NSD2: variants seen among roughly 807,000 people sequenced by gnomAD.
The protein encoded by NSD2 is nuclear receptor binding SET domain protein 2.
NSD2 carries 12 observed loss-of-function variants against 139.0 expected under a neutral mutation model. The observed-to-expected ratio is 0.09, with a 90% CI of 0.06 to 0.14. NSD2 has a LOEUF of 0.14. Among genes scored for constraint, NSD2 ranks in the 10% least tolerant of loss-of-function variants. NSD2 has a pLI of 1.00. For missense variants in NSD2, 1,155 were observed against 1,745.0 expected, an observed-to-expected ratio of 0.66 and a Z score of 6.02; for synonymous variants, 669 against 648.7, an observed-to-expected ratio of 1.03 and a Z score of -0.48.
intron 1 of NSD2, chr4:1,893,935 T>C (rs919190252): frequency 6.6e-6 from 1 of 152,220 alleles, no homozygotes; most frequent in African/African-American, 2.4e-5. Context: ...CCCTTAATGC[T>C]TGCTTGATTG....
rs74665455 is a variant in NSD2 at position 1,900,882 on chromosome 4, C to T, written c.228C>T (p.Ala76=). 1,253 of 1,612,938 alleles carry T rather than the reference C, an allele frequency of 7.8e-4. 9 individuals are homozygous for T. In the African/African-American group the frequency reaches 0.014, roughly 18 times the overall value. The change falls in exon 2 of 22, where the codon GCC becomes GCT. Residue 76 remains alanine, a synonymous_variant. Transcript: ENST00000508803. Reference sequence around the variant, plus strand: ...ACGACGCCCTGCCCTTTATTCCAGCCGACAAGCTGAAAGATCTTACTTCCC... The same window carrying T: ...ACGACGCCCTGCCCTTTATTCCAGCTGACAAGCTGAAAGATCTTACTTCCC... ...NGHDALPFIP[A]DKLKDLTSRV... is the part of the protein sequence containing the mutation.
chr4:1,888,216 C>T (rs1029618033), intron 1 of NSD2, among the ~76,000 whole-genome samples: 12 of 151,870 alleles, frequency 7.9e-5, no homozygotes, highest in East Asian at 3.9e-4. Context: ...AGTTCGAGAC[C>T]AGCCTGGCCA....
chr4:1,981,245 G>C lies in NSD2; in HGVS notation c.*2336G>C. On this transcript the variant is annotated 3_prime_UTR_variant, in exon 22 of 22. Coordinates refer to ENST00000508803, the MANE Select transcript of NSD2 (RefSeq NM_001042424.3). ...CTAATGAGCAAGTAACACTAACTTT[G>C]AATGTCTCTACAATACCCGTTGATA... 4.3e-6 allele frequency: 1 copy of C among 233,222 alleles called. No homozygotes were observed. Among genetic ancestry groups the C allele is most frequent in the Non-Finnish European group, 8.5e-6 (1 of 118,038 alleles). 14.4% of individuals were successfully genotyped at this position (233,222 alleles called of 1,614,324 possible).
At chr4:1,943,587 TG>T in intron 9 of NSD2, 1 of 1,049,862 alleles carries the variant, frequency 9.5e-7, no homozygotes, top group Non-Finnish European at 1.2e-6. Flanking sequence ...CTGGACTGTA[TG>T]GCTGAGGGCT....
At position 1,955,145 on chromosome 4, in the gene NSD2, G is replaced by A. The variant is rs967589040; in HGVS notation, c.2339-16G>A. 5.0e-6 allele frequency: 8 copies of A among 1,590,932 alleles called. No homozygotes were observed. The African/African-American group carries it at 9.4e-5, about 19-fold the overall frequency. ...TCAGTGTTTGGGGTCCTTAGGGTGT[G>A]TTTCTTTGCCTTCAGGTAAAATGAT... On this transcript the variant is annotated splice_polypyrimidine_tract_variant and intron_variant, in intron 12 of 21. Transcript: ENST00000508803. The surrounding 1 kb of genome is among the most constrained non-coding windows in gnomAD (Gnocchi z 4.7).
At position 1,980,649 on chromosome 4, in the gene NSD2, A is replaced by C; in HGVS notation, c.*1740A>C. The stretch of plus-strand genomic sequence containing the variant: ...GGGTCCCACGCCTCCCTGAGCACTG[A>C]CTGGAAGTTTCACTGGCTGGTGGCT... On this transcript the variant is annotated 3_prime_UTR_variant, in exon 22 of 22. Coordinates refer to ENST00000508803, the MANE Select transcript of NSD2 (RefSeq NM_001042424.3). The C allele has an allele frequency of 4.3e-6, 1 of 233,098 alleles. No individual in the cohort carries two copies. 14.4% of individuals were successfully genotyped at this position (233,098 alleles called of 1,614,324 possible).
chr4:1,932,536 C>G (rs547659023), intron 6 of NSD2, among the ~76,000 whole-genome samples: 1 of 151,478 alleles, frequency 6.6e-6, no homozygotes, highest in Non-Finnish European at 1.5e-5. Flanking sequence ...CACCTGAGGT[C>G]GGGAGTTTGA....
chr4:1,930,975 A>G lies in NSD2; in HGVS notation c.1555+205A>G, dbSNP rs377427797. Among the ~76,000 whole-genome samples the G allele has an allele frequency of 2.0e-4, 30 of 152,054 alleles. 1 individual carries two copies. Among genetic ancestry groups the G allele is most frequent in the Non-Finnish European group, 1.0e-4 (7 of 68,028 alleles). ...TTTACTGGCTTATGAGAGCTATTCA[A>G]TGTAGTGCCTTCTGGCCTGTGGCTC... On this transcript the variant is annotated intron_variant, in intron 6 of 21. Transcript: ENST00000508803.
chr4:1,918,180 G>A lies in NSD2; in HGVS notation c.967G>A (p.Glu323Lys). 1.9e-6 allele frequency: 3 copies of A among 1,613,254 alleles called. No homozygotes were observed. Among genetic ancestry groups the A allele is most frequent in the Middle Eastern group, 1.7e-4 (1 of 6,056 alleles). Residue 323 changes from glutamate to lysine, a missense_variant, in exon 5 of 22, where the codon GAA becomes AAA. Coordinates refer to ENST00000508803, the MANE Select transcript of NSD2 (RefSeq NM_001042424.3). ...TTCAGGGAAATTGAGGGCCCAGTGG[G>A]AAATGGGCATTGTTCAAGCAGAAGA... is the stretch of plus-strand genomic sequence containing the variant. ...PISGKLRAQW[E>K]MGIVQAEEAA...
intron 1 of NSD2, among the ~76,000 whole-genome samples, chr4:1,891,687 T>G (rs1577369208): frequency 6.6e-6 from 1 of 151,240 alleles, no homozygotes; most frequent in South Asian, 2.1e-4. Flanking sequence ...CCCATCTCTA[T>G]CAAAAATACA....
At chr4:1,937,308 C>T (rs1046506022) in intron 7 of NSD2, among the ~76,000 whole-genome samples, 13 of 152,120 alleles carry the variant, frequency 8.5e-5, no homozygotes, top group African/African-American at 3.1e-4. Flanking sequence ...CCCACCTCCA[C>T]CTCCCAAAGT....
intron 1 of NSD2, among the ~76,000 whole-genome samples, chr4:1,890,468 GT>G (rs1160313756): frequency 6.7e-6 from 1 of 148,632 alleles, no homozygotes; most frequent in South Asian, 2.1e-4. Context: ...CCGGCTAATT[GT>G]TTTTTGTATT....
chr4:1,941,615 A>G, intron 9 of NSD2: 2 of 1,034,232 alleles, frequency 1.9e-6, no homozygotes, highest in Non-Finnish European at 2.3e-6. Context: ...AATACATTAA[A>G]TATGTGAAAT....
intron 3 of NSD2, among the ~76,000 whole-genome samples, chr4:1,907,941 C>T (rs1158824930): frequency 1.3e-5 from 2 of 152,126 alleles, no homozygotes; most frequent in African/African-American, 4.8e-5. Flanking sequence ...TGGTAGCTTT[C>T]GTGGCACTGT....
chr4:1,960,909 C>G, intron 17 of NSD2, 126 bp from the exon 18 acceptor site: 1 of 634,968 alleles, frequency 1.6e-6, no homozygotes, highest in Non-Finnish European at 2.9e-6. Flanking sequence ...TTGTACACGC[C>G]CTCCACGGAG....
At chr4:1,960,889 T>A (rs1725297290) in intron 17 of NSD2, 146 bp from the exon 18 acceptor site, 2 of 587,014 alleles carry the variant, frequency 3.4e-6, no homozygotes. Context: ...GAATTTAATT[T>A]ATGGAGACTT....
chr4:1,928,417 A>G (rs947272694), intron 5 of NSD2, among the ~76,000 whole-genome samples: 1 of 152,216 alleles, frequency 6.6e-6, no homozygotes, highest in South Asian at 2.1e-4. Context: ...AAGTAGGAGA[A>G]TTGGGACCTG....
rs190709066 is a variant in NSD2 at position 1,957,888 on chromosome 4, C to A, written c.2882-45C>A. The A allele has an allele frequency of 1.4e-5, 21 of 1,549,206 alleles. No homozygotes were observed. The East Asian group carries it at 4.1e-4, about 30-fold the overall frequency. On this transcript the variant is annotated intron_variant, in intron 15 of 21. Coordinates refer to ENST00000508803, the MANE Select transcript of NSD2 (RefSeq NM_001042424.3). ...AAATATGGAGCTTGAAAGGTAGTTA[C>A]CTGTATTTACTAAAATCTTTACTCC...
intron 1 of NSD2, among the ~76,000 whole-genome samples, chr4:1,894,796 A>G (rs186475473): frequency 6.6e-6 from 1 of 152,350 alleles, no homozygotes; most frequent in Non-Finnish European, 1.5e-5. Flanking sequence ...GGGTATACGT[A>G]ACATAAAATT....
Sources: gnomAD v4.1 joint callset for allele counts (sites outside exome capture counted in the v4.1 genomes callset) on GRCh38, gnomAD v4.1.1 for gene constraint, Gnocchi (gnomAD v3.1) non-coding constraint, MANE v1.5 for transcripts, NCBI Gene and HGNC (gene_info 2026-07-23, HGNC 2026-07-21) for gene names.